The following SERINC5 variants were observed in gnomAD, a reference collection of about 807,000 sequenced individuals.
SERINC5 encodes the protein serine incorporator 5.
SERINC5 carries 41 observed loss-of-function variants against 63.1 expected under a neutral mutation model. The ratio of observed to expected loss-of-function variants is 0.65; its 90% CI spans 0.51 to 0.84. The LOEUF is 0.84. Ranked by LOEUF, SERINC5 falls within the 40% of genes least tolerant of loss-of-function variation. The probability of loss-of-function intolerance (pLI) is 0.00; values close to 1 mark genes in which losing one functional copy is unlikely to be tolerated. For missense variants in SERINC5, 523 were observed against 573.0 expected (o/e 0.91, Z 0.89); for synonymous variants, 222 against 215.2 (o/e 1.03, Z -0.28).
intron 1 of SERINC5, among the ~76,000 whole-genome samples, chr5:80,205,901 G>T (rs971657312): frequency 6.9e-6 from 1 of 143,998 alleles, no homozygotes; most frequent in Non-Finnish European, 1.5e-5. Context: ...GTGAAACCTC[G>T]TCTCTACTAA....
chr5:80,242,789 G>A (rs1752004837), intron 1 of SERINC5, among the ~76,000 whole-genome samples: 1 of 152,100 alleles, frequency 6.6e-6, no homozygotes, highest in South Asian at 2.1e-4. Context: ...CGGGCGTGGT[G>A]ACACATGCCT....
chr5:80,143,794 T>C lies in SERINC5; in HGVS notation c.1255A>G (p.Ile419Val). ...CAGCTCCCGCTGAAGAAGCTCTCGATGTTGGCACTTTCGTAGCTGTGGAAA... is the reference window on the plus strand; with the variant it reads ...CAGCTCCCGCTGAAGAAGCTCTCGACGTTGGCACTTTCGTAGCTGTGGAAA... Reference protein sequence around the residue: ...TNWFNYESANIESFFSGSWSI... With the variant: ...TNWFNYESANVESFFSGSWSI... The change falls in exon 12 of 12, where the codon ATC becomes GTC. Residue 419 changes from isoleucine to valine, a missense_variant. By Grantham distance (29) the Ile-to-Val change is conservative. Transcript: ENST00000507668. 3 of 1,536,156 alleles carry C rather than the reference T, an allele frequency of 2.0e-6. No individual in the cohort carries two copies. The highest frequency in any genetic ancestry group is 2.6e-6 in the Non-Finnish European group (3 of 1,146,882).
chr5:80,150,181 C>T (rs1026989006), intron 9 of SERINC5, among the ~76,000 whole-genome samples: 1 of 152,164 alleles, frequency 6.6e-6, no homozygotes, highest in African/African-American at 2.4e-5. Context: ...ATCTCACAGC[C>T]ACGCTGTGTA....
In SERINC5 at chr5:80,146,106, C is replaced by G; in HGVS notation, c.1222G>C (p.Val408Leu). The change falls in exon 11 of 12, where the codon GTC (valine) becomes CTC (leucine). Residue 408 changes from valine to leucine, a missense_variant. Physicochemically the swap from Val to Leu is conservative, Grantham distance 32. Coordinates refer to ENST00000507668, the MANE Select transcript of SERINC5 (RefSeq NM_001174072.3). ...GCCACTCACTTGAACCAGTTGGTGA[C>G]GGTCATCATCACATACAGGGAAGCT... is the stretch of plus-strand genomic sequence containing the variant. ...FLASLYVMMT[V>L]TNWFNYESAN... 1 of 1,613,974 alleles carries G rather than the reference C, an allele frequency of 6.2e-7. No individual in the cohort carries two copies. The highest frequency in any genetic ancestry group is 8.5e-7 in the Non-Finnish European group (1 of 1,179,834).
chr5:80,139,168 C>T lies in SERINC5; in HGVS notation c.*4495G>A, dbSNP rs998431303. The T allele has an allele frequency of 9.1e-5, 90 of 984,834 alleles. No individual in the cohort carries two copies. In the Middle Eastern group the frequency reaches 2.1e-3, roughly 23 times the overall value. 61.0% of individuals were successfully genotyped at this position (984,834 alleles called of 1,614,324 possible). ...ACCACATAATTTGGCTACAGCTAATCGTTTCAGAAAAGTTTAAAAAATTAG... is the reference window on the plus strand; with the variant it reads ...ACCACATAATTTGGCTACAGCTAATTGTTTCAGAAAAGTTTAAAAAATTAG... On this transcript the variant is annotated 3_prime_UTR_variant, in exon 12 of 12. Coordinates refer to ENST00000507668, the MANE Select transcript of SERINC5 (RefSeq NM_001174072.3).
chr5:80,202,008 C>T (rs1211795842), intron 2 of SERINC5, among the ~76,000 whole-genome samples: 10 of 152,180 alleles, frequency 6.6e-5, no homozygotes, highest in African/African-American at 1.9e-4. Context: ...GAGGCCAAGG[C>T]GGGTAGATCA....
intron 1 of SERINC5, among the ~76,000 whole-genome samples, chr5:80,211,225 A>C (rs921575538): frequency 3.9e-5 from 6 of 152,194 alleles, no homozygotes; most frequent in African/African-American, 1.4e-4. Context: ...AAAATGGCAA[A>C]TGTAAGAAGC....
intron 1 of SERINC5, among the ~76,000 whole-genome samples, chr5:80,217,194 T>G (rs1316088818): frequency 6.6e-6 from 1 of 152,018 alleles, no homozygotes; most frequent in African/African-American, 2.4e-5. Context: ...AATAGTTAAT[T>G]TTAAATAGTC....
At chr5:80,243,987 T>C (rs1176460549) in intron 1 of SERINC5, among the ~76,000 whole-genome samples, 1 of 152,080 alleles carries the variant, frequency 6.6e-6, no homozygotes, top group Non-Finnish European at 1.5e-5. Flanking sequence ...GACTCGATTT[T>C]GGCAGAACTT....
At chr5:80,179,935 A>C (rs935724717) in intron 2 of SERINC5, among the ~76,000 whole-genome samples, 1 of 152,230 alleles carries the variant, frequency 6.6e-6, no homozygotes, top group Admixed American at 6.5e-5. Context: ...CATCTAATTT[A>C]AAGGCAAAAA....
chr5:80,231,268 G>A (rs78689212), intron 1 of SERINC5, among the ~76,000 whole-genome samples: 14,116 of 152,046 alleles, frequency 0.093, 872 homozygotes, highest in Non-Finnish European at 0.13. Flanking sequence ...ATAAAGAACC[G>A]GCTACTGCTC....
Position 80,123,738 on chromosome 5 carries a change from G to C in SERINC5, c.1239-10113C>G, listed in dbSNP as rs189855784. On this transcript the variant is annotated intron_variant, in intron 11 of 12. Coordinates refer to the SERINC5 transcript ENST00000509193. ...GTGCTCACCTTCACTCTCCCAGTGGGTCCTTGCACCTGAGAACGTGCAGGG... is the reference window on the plus strand; with the variant it reads ...GTGCTCACCTTCACTCTCCCAGTGGCTCCTTGCACCTGAGAACGTGCAGGG... 2.0e-5 allele frequency among the ~76,000 whole-genome samples: 3 copies of C among 152,282 alleles called. No homozygotes were observed. The East Asian group carries it at 5.8e-4, about 29-fold the overall frequency.
chr5:80,249,996 A>T (rs1255991680), intron 1 of SERINC5, among the ~76,000 whole-genome samples: 1 of 152,190 alleles, frequency 6.6e-6, no homozygotes, highest in East Asian at 1.9e-4. Flanking sequence ...TGGAAGCACC[A>T]TGTAATATAA....
intron 8 of SERINC5, among the ~76,000 whole-genome samples, chr5:80,155,205 G>A (rs777616287): frequency 2.0e-5 from 3 of 152,196 alleles, no homozygotes; most frequent in Non-Finnish European, 2.9e-5. Flanking sequence ...GAAATAGTTC[G>A]TGGAGGCCAG....
intron 5 of SERINC5, among the ~76,000 whole-genome samples, chr5:80,171,157 C>A (rs922816710): frequency 2.6e-5 from 4 of 151,934 alleles, no homozygotes; most frequent in African/African-American, 9.7e-5. Flanking sequence ...TTACAGGTAT[C>A]CACCACCATG....
At chr5:80,160,657 GT>G (rs1477495785) in intron 7 of SERINC5, among the ~76,000 whole-genome samples, 5 of 152,018 alleles carry the variant, frequency 3.3e-5, no homozygotes, top group Non-Finnish European at 7.4e-5. Context: ...CAAATAATGT[GT>G]ATTCTACCCA....
At chr5:80,171,919 A>G (rs1747693973) in intron 5 of SERINC5, among the ~76,000 whole-genome samples, 2 of 152,060 alleles carry the variant, frequency 1.3e-5, no homozygotes, top group Non-Finnish European at 2.9e-5. Flanking sequence ...AAAGAAAGAA[A>G]AAGATGATAA....
intron 2 of SERINC5, among the ~76,000 whole-genome samples, chr5:80,185,931 G>C (rs1015135865): frequency 2.0e-5 from 3 of 151,994 alleles, no homozygotes; most frequent in Non-Finnish European, 4.4e-5. Flanking sequence ...GCGATAGCTT[G>C]GCTTGGGCTC....
chr5:80,182,966 C>T (rs535005232), intron 2 of SERINC5, among the ~76,000 whole-genome samples: 73 of 152,254 alleles, frequency 4.8e-4, no homozygotes, highest in South Asian at 3.5e-3. Flanking sequence ...TCTACAAAGG[C>T]AAGGTCTTGC....
Sources: allele counts gnomAD v4.1 joint callset (sites outside exome capture counted in the v4.1 genomes callset), GRCh38; gene constraint gnomAD v4.1.1; transcripts MANE v1.5; gene names NCBI Gene and HGNC (gene_info 2026-07-23, HGNC 2026-07-21).